The following SUSD3 variants were observed in gnomAD, a reference collection of about 807,000 sequenced individuals.
The protein encoded by SUSD3 is sushi domain containing 3.
A neutral mutation model predicts 20.6 loss-of-function variants in SUSD3; 18 were observed. The observed-to-expected ratio is 0.87, with a 90% CI of 0.60 to 1.30. The LOEUF (loss-of-function observed/expected upper bound fraction) is 1.30. SUSD3 is among the 50% of genes most tolerant of loss of function. The pLI, the probability that SUSD3 is intolerant of heterozygous loss-of-function variation, is 0.00. For missense variants in SUSD3, 306 were observed against 346.9 expected (o/e 0.88, Z 0.94); for synonymous variants, 137 against 141.5 (o/e 0.97, Z 0.23).
chr9:93,076,898 G>A (rs1453856475), intron 2 of SUSD3, among the ~76,000 whole-genome samples: 1 of 152,264 alleles, frequency 6.6e-6, no homozygotes, highest in Non-Finnish European at 1.5e-5. Context: ...CTGTTATGGG[G>A]TGAGGGGCCC....
At chr9:93,073,107 C>A (rs1411621556) in intron 1 of SUSD3, among the ~76,000 whole-genome samples, 1 of 152,134 alleles carries the variant, frequency 6.6e-6, no homozygotes, top group East Asian at 1.9e-4. Context: ...CCATCACCCC[C>A]ATCTCTGGGT....
intron 1 of SUSD3, 49 bp from the exon 2 acceptor site, chr9:93,075,735 T>TCCCCCCCCCCC: frequency 2.4e-5 from 6 of 247,428 alleles, no homozygotes; most frequent in South Asian, 2.3e-5. Flanking sequence ...CTGCCCTGCG[T>TCCCCCCCCCCC]GCCCACCCCC....
chr9:93,065,595 AG>A (rs1304826107), intron 1 of SUSD3, among the ~76,000 whole-genome samples: 1 of 152,166 alleles, frequency 6.6e-6, no homozygotes, highest in African/African-American at 2.4e-5. Flanking sequence ...GGCCCTGGGG[AG>A]GGGGCCACGT....
intron 1 of SUSD3, among the ~76,000 whole-genome samples, chr9:93,066,500 G>A (rs775062714): frequency 6.6e-6 from 1 of 152,192 alleles, no homozygotes; most frequent in African/African-American, 2.4e-5. Context: ...CCAAAGTGCT[G>A]GGATTACAGG....
chr9:93,062,247 G>T (rs1485568877), intron 1 of SUSD3, among the ~76,000 whole-genome samples: 3 of 152,234 alleles, frequency 2.0e-5, no homozygotes, highest in Admixed American at 2.0e-4. Flanking sequence ...GGTACCCATT[G>T]GTCCTCTCCA....
chr9:93,075,740 A>ACCCCC (rs748856301), intron 1 of SUSD3, 44 bp from the exon 2 acceptor site: 2 of 147,310 alleles, frequency 1.4e-5, no homozygotes, highest in Non-Finnish European at 2.4e-5. Context: ...CTGCGTGCCC[A>ACCCCC]CCCCCCCCCC....
intron 3 of SUSD3, 75 bp downstream of exon 3, chr9:93,078,068 T>A (rs1445797920): frequency 1.9e-6 from 3 of 1,597,046 alleles, no homozygotes; most frequent in East Asian, 4.5e-5. Context: ...AAGGACAGAG[T>A]GTTTCAAGGG....
At chr9:93,071,491 T>A (rs1825910126) in intron 1 of SUSD3, among the ~76,000 whole-genome samples, 2 of 152,208 alleles carry the variant, frequency 1.3e-5, no homozygotes, top group African/African-American at 4.8e-5. Flanking sequence ...TCCACGTTCC[T>A]CTGCCTGCTT....
At position 93,081,447 on chromosome 9, in the gene SUSD3, G is replaced by A. The variant is rs114393436; in HGVS notation, c.557+1845G>A. On this transcript the variant is annotated intron_variant, in intron 4 of 4. Coordinates refer to ENST00000375472, the MANE Select transcript of SUSD3 (RefSeq NM_145006.4). ...TCGGTTTCCTCACCTGTAAAGTGAG[G>A]ATTGCAGTAGCGCTCACCCTTTCAA... 4.8e-3 allele frequency among the ~76,000 whole-genome samples: 732 copies of A among 152,280 alleles called. 6 individuals are homozygous for A. The highest frequency in any genetic ancestry group is 0.017 in the African/African-American group (691 of 41,554).
rs758542224 is a variant in SUSD3, at chr9:93,077,972, G to T, written c.404G>T (p.Ser135Ile). Residue 135 changes from serine to isoleucine, a missense_variant, in exon 3 of 5, where the codon AGC becomes ATC. By Grantham distance (142) the Ser-to-Ile change is moderately radical. Transcript: ENST00000375472. ...TCCLLKCVKK[S>I]KRRRSNRSAQ... ...TGCCTCCTCAAGTGCGTGAAGAAGAGCAAGCGGCGGCGCTCCAACAGGTAC... is the reference window on the plus strand; with the variant it reads ...TGCCTCCTCAAGTGCGTGAAGAAGATCAAGCGGCGGCGCTCCAACAGGTAC... 1 of 1,614,230 alleles carries T rather than the reference G, an allele frequency of 6.2e-7. No homozygotes were observed. Among genetic ancestry groups the T allele is most frequent in the South Asian group, 1.1e-5 (1 of 91,088 alleles).
intron 4 of SUSD3, among the ~76,000 whole-genome samples, chr9:93,081,628 G>A (rs1486173022): frequency 6.6e-6 from 1 of 152,172 alleles, no homozygotes; most frequent in Admixed American, 6.5e-5. Context: ...GTGGCCCTGG[G>A]TTACACACAC....
At position 93,079,331 on chromosome 9, in the gene SUSD3, C is replaced by T. The variant is rs184425704; in HGVS notation, c.426-140C>T. The T allele has an allele frequency of 5.3e-4, 462 of 874,212 alleles. 1 individual carries two copies. In the African/African-American group the frequency reaches 6.8e-3, roughly 13 times the overall value. The allele number at this position is 874,212 out of a possible 1,614,324, so 54.2% of individuals were successfully genotyped here. ...ATGTGTCTCACCACACCAAAAACAT[C>T]CACTGCCCAGCTCTTTGAGAGGTTT... On this transcript the variant is annotated intron_variant, in intron 3 of 4. Coordinates refer to ENST00000375472, the MANE Select transcript of SUSD3 (RefSeq NM_145006.4).
intron 4 of SUSD3, among the ~76,000 whole-genome samples, chr9:93,083,980 G>GT (rs1826530877): frequency 2.6e-5 from 4 of 152,040 alleles, no homozygotes; most frequent in African/African-American, 9.7e-5. Context: ...GTGTGTGTGT[G>GT]GAGGCTGGAG....
intron 1 of SUSD3, among the ~76,000 whole-genome samples, chr9:93,072,467 C>T (rs139895240): frequency 1.3e-5 from 2 of 152,210 alleles, no homozygotes; most frequent in Non-Finnish European, 2.9e-5. Flanking sequence ...GTAGCCTCCA[C>T]TTTTGCCAGA....
chr9:93,070,507 G>A (rs1352192961), intron 1 of SUSD3, among the ~76,000 whole-genome samples: 3 of 152,230 alleles, frequency 2.0e-5, no homozygotes, highest in Non-Finnish European at 2.9e-5. Flanking sequence ...GGTGCCTGCG[G>A]TTGACCCTGG....
chr9:93,082,523 T>C (rs1275271484), intron 4 of SUSD3, among the ~76,000 whole-genome samples: 2 of 152,130 alleles, frequency 1.3e-5, no homozygotes, highest in African/African-American at 2.4e-5. Flanking sequence ...TTCACTGTGT[T>C]AGCCAGGATG....
At chr9:93,079,824 T>C (rs879288135) in intron 4 of SUSD3, among the ~76,000 whole-genome samples, 4 of 152,058 alleles carry the variant, frequency 2.6e-5, no homozygotes, top group Non-Finnish European at 5.9e-5. Context: ...CCAGCAGTGT[T>C]TTCATCTGGA....
intron 4 of SUSD3, among the ~76,000 whole-genome samples, chr9:93,081,070 C>T (rs1231060849): frequency 1.3e-5 from 2 of 152,212 alleles, no homozygotes; most frequent in African/African-American, 4.8e-5. Context: ...ACATTATTTT[C>T]AAGCACACTT....
intron 1 of SUSD3, 68 bp downstream of exon 1, chr9:93,058,898 G>A: frequency 9.9e-7 from 1 of 1,010,914 alleles, no homozygotes; most frequent in Non-Finnish European, 1.3e-6. Context: ...AAAGCCGAGG[G>A]GAGGGGGTCG....
Sources: gnomAD v4.1 joint callset for allele counts (sites outside exome capture counted in the v4.1 genomes callset) on GRCh38, gnomAD v4.1.1 for gene constraint, MANE v1.5 for transcripts, NCBI Gene and HGNC (gene_info 2026-07-23, HGNC 2026-07-21) for gene names.